TCP11L2: variants seen among roughly 807,000 people sequenced by gnomAD.
The protein encoded by TCP11L2 is T-complex protein 11-like protein 2.
Under a neutral mutation model 50.7 loss-of-function variants are expected in TCP11L2, and 39 were observed. The observed-to-expected ratio is 0.77, with a 90% CI of 0.60 to 1.01. The LOEUF (loss-of-function observed/expected upper bound fraction) is 1.01, where lower values mean the gene tolerates loss of function less well. TCP11L2 is among the 50% of genes least tolerant of loss of function. The probability of loss-of-function intolerance (pLI) is 0.00; values close to 1 mark genes in which losing one functional copy is unlikely to be tolerated. For missense variants in TCP11L2, 612 were observed against 614.7 expected, an observed-to-expected ratio of 1.00 and a Z score of 0.05; for synonymous variants, 192 against 219.3, an observed-to-expected ratio of 0.88 and a Z score of 1.10.
chr12:106,330,089 G>T (rs1371061424), intron 6 of TCP11L2: 1 of 985,214 alleles, frequency 1.0e-6, no homozygotes, highest in Non-Finnish European at 1.2e-6. Context: ...TAAGAACTGT[G>T]GTATAAAAAG....
rs2035332392 is a variant in TCP11L2, at chr12:106,321,512, T to C, written c.441T>C (p.Gly147=). 6.2e-7 allele frequency: 1 copy of C among 1,614,146 alleles called. No homozygotes were observed. Among genetic ancestry groups the C allele is most frequent in the Non-Finnish European group, 8.5e-7 (1 of 1,179,986 alleles). The change falls in exon 5 of 10, where the codon GGT becomes GGC. Residue 147 remains glycine, a synonymous_variant. Coordinates refer to ENST00000299045, the MANE Select transcript of TCP11L2 (RefSeq NM_152772.3). ...REILLSFLTP[G]GNRLRNQICE... is the part of the protein sequence containing the mutation. ...TTCTTCTCTCTTTTCTCACTCCCGG[T>C]GGCAACCGGCTTCGCAACCAAATCT...
chr12:106,314,667 G>A (rs1026799165), intron 3 of TCP11L2, among the ~76,000 whole-genome samples, 174 bp downstream of exon 3: 3 of 151,302 alleles, frequency 2.0e-5, no homozygotes, highest in Non-Finnish European at 4.4e-5. Flanking sequence ...ATCCTCAGGG[G>A]TAAACATTTA....
chr12:106,334,355 G>C (rs923321884), intron 6 of TCP11L2, among the ~76,000 whole-genome samples: 3 of 152,168 alleles, frequency 2.0e-5, no homozygotes, highest in Non-Finnish European at 4.4e-5. Context: ...CCTATATTCT[G>C]TATCTTGGTA....
At chr12:106,320,975 A>T (rs1243934884) in intron 4 of TCP11L2, among the ~76,000 whole-genome samples, 1 of 152,148 alleles carries the variant, frequency 6.6e-6, no homozygotes, top group African/African-American at 2.4e-5. Flanking sequence ...TCTTGTTTTT[A>T]TTAATTTTTC....
At position 106,314,724 on chromosome 12, in the gene TCP11L2, G is replaced by T. The variant is rs140097563; in HGVS notation, c.293+231G>T. On this transcript the variant is annotated intron_variant, in intron 3 of 9. Coordinates refer to ENST00000299045, the MANE Select transcript of TCP11L2 (RefSeq NM_152772.3). ...CTTGTTTTAAAAAAATTCTCGCTGGGTGTGATAGCTCACACCTGTAACCCC... is the reference window on the plus strand; with the variant it reads ...CTTGTTTTAAAAAAATTCTCGCTGGTTGTGATAGCTCACACCTGTAACCCC... 4.1e-3 allele frequency among the ~76,000 whole-genome samples: 628 copies of T among 152,178 alleles called. 8 individuals carry two copies. Among genetic ancestry groups the T allele is most frequent in the African/African-American group, 0.014 (597 of 41,506 alleles).
intron 8 of TCP11L2, 47 bp downstream of exon 8, chr12:106,336,260 G>C: frequency 6.9e-7 from 1 of 1,452,988 alleles, no homozygotes; most frequent in South Asian, 1.3e-5. Flanking sequence ...TTAAGGCTCT[G>C]CATGTGTCTC....
At chr12:106,306,346 T>C (rs2034633493) in intron 1 of TCP11L2, among the ~76,000 whole-genome samples, 1 of 152,260 alleles carries the variant, frequency 6.6e-6, no homozygotes. Context: ...TTGCTCTATG[T>C]GCTTTATTAT....
chr12:106,299,452 G>T (rs2034380988), upstream of TCP11L2, among the ~76,000 whole-genome samples: 1 of 152,108 alleles, frequency 6.6e-6, no homozygotes. Flanking sequence ...TACATAATTT[G>T]CCAGGTCCAG....
intron 1 of TCP11L2, among the ~76,000 whole-genome samples, chr12:106,306,439 A>G (rs983161448): frequency 2.0e-5 from 3 of 152,208 alleles, no homozygotes; most frequent in Non-Finnish European, 4.4e-5. Context: ...ACCACAGTAC[A>G]TTTCAACTTC....
chr12:106,329,599 C>A (rs1235093631), intron 6 of TCP11L2: 1 of 1,359,142 alleles, frequency 7.4e-7, no homozygotes, highest in Non-Finnish European at 9.5e-7. Flanking sequence ...CCCATGAACT[C>A]TTTTTTTCCT....
At position 106,321,533 on chromosome 12, in the gene TCP11L2, A is replaced by C; in HGVS notation, c.462A>C (p.Gln154His). The C allele has an allele frequency of 6.2e-7, 1 of 1,614,176 alleles. No individual in the cohort carries two copies. The highest frequency in any genetic ancestry group is 8.5e-7 in the Non-Finnish European group (1 of 1,180,030). The change falls in exon 5 of 10, where the codon CAA becomes CAC. Residue 154 changes from glutamine to histidine, a missense_variant. By Grantham distance (24) the Gln-to-His change is conservative. Transcript: ENST00000299045. ...LTPGGNRLRNQICEVLDTDLI... is the reference protein window; with the variant it reads ...LTPGGNRLRNHICEVLDTDLI... ...CCGGTGGCAACCGGCTTCGCAACCA[A>C]ATCTGTGAAGTTTTGGACACAGACC...
At position 106,346,543 on chromosome 12, in the gene TCP11L2, A is replaced by G. The variant is rs1408252845; in HGVS notation, c.*13A>G. ...TCCTACTAACTAAAGAAGAACTGAC[A>G]TTGGACGAGAGATTGGAAATCCAGT... On this transcript the variant is annotated 3_prime_UTR_variant, in exon 10 of 10. Coordinates refer to ENST00000299045, the MANE Select transcript of TCP11L2 (RefSeq NM_152772.3). The G allele has an allele frequency of 1.9e-6, 3 of 1,604,630 alleles. No homozygotes were observed. Among genetic ancestry groups the G allele is most frequent in the Non-Finnish European group, 1.7e-6 (2 of 1,175,732 alleles).
chr12:106,332,919 A>G (rs2035793815), intron 6 of TCP11L2, among the ~76,000 whole-genome samples: 1 of 152,200 alleles, frequency 6.6e-6, no homozygotes, highest in Non-Finnish European at 1.5e-5. Flanking sequence ...GTATGATTCT[A>G]TTTACATAAC....
At chr12:106,323,961 T>G (rs1592955294) in intron 6 of TCP11L2, 1 of 154,362 alleles carries the variant, frequency 6.5e-6, no homozygotes, top group East Asian at 1.9e-4. Flanking sequence ...CACTATTCGT[T>G]TCTTCATTCA....
chr12:106,311,311 C>T, intron 2 of TCP11L2, 79 bp downstream of exon 2: 1 of 1,510,124 alleles, frequency 6.6e-7, no homozygotes, highest in South Asian at 1.2e-5. Context: ...CTCAGAAACG[C>T]CTGAGAGCAA....
chr12:106,308,037 G>C (rs554892088), intron 1 of TCP11L2, among the ~76,000 whole-genome samples: 9 of 152,266 alleles, frequency 5.9e-5, no homozygotes, highest in African/African-American at 2.2e-4. Flanking sequence ...GATACACTAA[G>C]GCCCAGTTGT....
intron 6 of TCP11L2, chr12:106,330,400 T>C (rs2035705093): frequency 5.2e-6 from 4 of 770,816 alleles, no homozygotes; most frequent in Non-Finnish European, 6.3e-6. Context: ...TTTGGCCATG[T>C]CTGGAGACAC....
intron 6 of TCP11L2, among the ~76,000 whole-genome samples, chr12:106,333,770 G>A (rs529736279): frequency 1.3e-5 from 2 of 152,194 alleles, no homozygotes; most frequent in African/African-American, 4.8e-5. Flanking sequence ...AGAATCTCAA[G>A]ACTGTACATA....
intron 8 of TCP11L2, among the ~76,000 whole-genome samples, chr12:106,338,532 C>T (rs1022010409): frequency 2.6e-5 from 4 of 152,208 alleles, no homozygotes; most frequent in Non-Finnish European, 2.9e-5. Flanking sequence ...CCATGGTGTA[C>T]ATATACCATA....
Sources: allele counts gnomAD v4.1 joint callset (sites outside exome capture counted in the v4.1 genomes callset), GRCh38; gene constraint gnomAD v4.1.1; transcripts MANE v1.5; gene names NCBI Gene and HGNC (gene_info 2026-07-23, HGNC 2026-07-21).